Variants in PDE8A observed in about 807,000 individuals in gnomAD.
PDE8A encodes phosphodiesterase 8A.
In PDE8A, 59 loss-of-function variants were observed where a neutral mutation model predicts 105.0. The ratio of observed to expected loss-of-function variants is 0.56; its 90% CI spans 0.46 to 0.70. The LOEUF is 0.70. PDE8A is among the 30% of genes least tolerant of loss of function. The pLI, the probability that PDE8A is intolerant of heterozygous loss-of-function variation, is 0.00. For synonymous variants in PDE8A, 355 were observed against 371.9 expected (o/e 0.95, Z 0.52); for missense variants, 1,014 against 1,045.9 (o/e 0.97, Z 0.42).
chr15:85,024,926 CAAT>C, intron 1 of PDE8A, among the ~76,000 whole-genome samples: 1 of 152,242 alleles, frequency 6.6e-6, no homozygotes, highest in South Asian at 2.1e-4. Flanking sequence ...TTCAGAAACT[CAAT>C]GATCTGTGTG....
rs1337862347 is a variant in PDE8A at position 84,982,122 on chromosome 15, TCGCGGCTACCCGCCAGCGTGTC to T, written c.-34_-13del. 2.2e-5 allele frequency: 27 copies of T among 1,240,708 alleles called. No homozygotes were observed. The highest frequency in any genetic ancestry group is 1.2e-4 in the South Asian group (4 of 34,512). 76.9% of individuals were successfully genotyped at this position (1,240,708 alleles called of 1,614,324 possible). ...CCGGGTGGGCCGTTTGCTGACCGGA[TCGCGGCTACCCGCCAGCGTGTC>T]CGCGGCGCCGCCGCCAGCATGGGCT... On this transcript the variant is annotated 5_prime_UTR_variant, in exon 1 of 22. Coordinates refer to ENST00000394553, the MANE Select transcript of PDE8A (RefSeq NM_002605.3).
At position 85,137,978 on chromosome 15, in the gene PDE8A, T is replaced by C; in HGVS notation, c.*75T>C. 5 of 927,598 alleles carry C rather than the reference T, an allele frequency of 5.4e-6. No individual in the cohort carries two copies. Among genetic ancestry groups the C allele is most frequent in the Non-Finnish European group, 8.7e-6 (5 of 572,672 alleles). The allele number at this position is 927,598 out of a possible 1,614,324, so 57.5% of individuals were successfully genotyped here. A position where few individuals can be genotyped will look rare whatever the true frequency, so the allele number is the denominator to read the frequency against. ...AATTCCTGAGGGCAGCCAGAGCTCC[T>C]TGGTCCTTTCAGTACTAGGCAGAAC... On this transcript the variant is annotated 3_prime_UTR_variant, in exon 22 of 22. Transcript: ENST00000394553.
intron 7 of PDE8A, 134 bp downstream of exon 7, chr15:85,089,550 T>C (rs780962965): frequency 3.7e-6 from 2 of 547,142 alleles, no homozygotes; most frequent in Non-Finnish European, 6.5e-6. Context: ...TCGAGGATTA[T>C]CAGAACAAAA....
chr15:85,117,832 G>A lies in PDE8A; in HGVS notation c.1727G>A (p.Arg576Lys). The change falls in exon 17 of 22, where the codon AGG becomes AAG. Residue 576 changes from arginine (R) to lysine (K), a missense_variant. Coordinates refer to ENST00000394553, the MANE Select transcript of PDE8A (RefSeq NM_002605.3). ...ACTGCCTATTTTCTCTCCAAGGAGAGGATAAAGGTGAGCTGTTGTTTACCT... is the reference window on the plus strand; with the variant it reads ...ACTGCCTATTTTCTCTCCAAGGAGAAGATAAAGGTGAGCTGTTGTTTACCT... Reference protein sequence around the residue: ...HATAYFLSKERIKETLDPIDE... With the variant: ...HATAYFLSKEKIKETLDPIDE... The A allele has an allele frequency of 6.2e-7, 1 of 1,612,910 alleles. No individual in the cohort carries two copies. The highest frequency in any genetic ancestry group is 8.5e-7 in the Non-Finnish European group (1 of 1,179,058).
In PDE8A at chr15:85,089,411, A is replaced by G. The variant is rs1596506473; in HGVS notation, c.709A>G (p.Ile237Val). The change falls in exon 7 of 22, where the codon ATA becomes GTA. Residue 237 changes from isoleucine to valine, a missense_variant. Transcript: ENST00000394553. ...AIEITSEDRF[I>V]QYANPAFETT... is the part of the protein sequence containing the mutation. Reference sequence around the variant, plus strand: ...TGAAATTACAAGCGAAGACCGTTTTATACAGGTTTGTTATTTTGGAAATCT... The same window carrying G: ...TGAAATTACAAGCGAAGACCGTTTTGTACAGGTTTGTTATTTTGGAAATCT... The G allele has an allele frequency of 1.3e-6, 2 of 1,562,088 alleles. No individual in the cohort carries two copies. The highest frequency in any genetic ancestry group is 1.8e-6 in the Non-Finnish European group (2 of 1,137,448).
chr15:85,092,920 C>CTTTTTTT (rs5814181), intron 8 of PDE8A, among the ~76,000 whole-genome samples: 3 of 132,052 alleles, frequency 2.3e-5, no homozygotes, highest in Non-Finnish European at 1.6e-5. Flanking sequence ...TACTGCTTTC[C>CTTTTTTT]TTTTTTTTTT....
At chr15:85,007,804 G>A (rs548101642) in intron 1 of PDE8A, among the ~76,000 whole-genome samples, 2 of 152,094 alleles carry the variant, frequency 1.3e-5, no homozygotes, top group Non-Finnish European at 2.9e-5. Context: ...TTATAAATGC[G>A]AATATGTATG....
At chr15:85,081,933 A>G (rs1293762503) in intron 5 of PDE8A, among the ~76,000 whole-genome samples, 1 of 152,056 alleles carries the variant, frequency 6.6e-6, no homozygotes, top group African/African-American at 2.4e-5. Context: ...ATGGATAAAT[A>G]CACATTCCCT....
intron 1 of PDE8A, among the ~76,000 whole-genome samples, chr15:85,011,929 C>CA (rs1421635980): frequency 6.6e-6 from 1 of 152,074 alleles, no homozygotes; most frequent in Non-Finnish European, 1.5e-5. Context: ...TTTATGCAGC[C>CA]AAAAAACACA....
intron 1 of PDE8A, among the ~76,000 whole-genome samples, chr15:85,009,937 G>A (rs1451330580): frequency 6.6e-6 from 1 of 152,166 alleles, no homozygotes; most frequent in Non-Finnish European, 1.5e-5. Context: ...ACACTTTATA[G>A]CAATGGAAAT....
chr15:85,048,765 T>C (rs56248785), intron 1 of PDE8A, among the ~76,000 whole-genome samples: 22 of 152,150 alleles, frequency 1.4e-4, no homozygotes, highest in Admixed American at 1.4e-3. Flanking sequence ...AGTATGATGA[T>C]TATACAGACC....
chr15:85,128,578 A>G (rs1032654687), intron 20 of PDE8A, among the ~76,000 whole-genome samples: 11 of 152,266 alleles, frequency 7.2e-5, no homozygotes, highest in Non-Finnish European at 1.5e-4. Context: ...TGCTCATTCA[A>G]AACACAGCTA....
intron 11 of PDE8A, among the ~76,000 whole-genome samples, chr15:85,107,990 A>T (rs1370379897): frequency 6.6e-6 from 1 of 152,146 alleles, no homozygotes; most frequent in Non-Finnish European, 1.5e-5. Flanking sequence ...GAAAACCAGG[A>T]GAGTGTGGAC....
At chr15:85,100,129 C>T in intron 10 of PDE8A, 27 bp from the exon 11 acceptor site, 2 of 1,613,674 alleles carry the variant, frequency 1.2e-6, no homozygotes, top group Non-Finnish European at 8.5e-7. Flanking sequence ...GCAATCAGAA[C>T]TAATGGCTTT....
rs62019510 is a variant in PDE8A at position 85,113,889 on chromosome 15, A to G, written c.1202A>G (p.Asn401Ser). 0.03 allele frequency: 47,977 copies of G among 1,611,760 alleles called. 869 individuals carry two copies. The highest frequency in any genetic ancestry group is 0.035 in the Non-Finnish European group (40,955 of 1,178,354). ...ATAATGTAGGTAATCAATATTATCA[A>G]TGCTGCCCAGGAAAGTAGTCCCATG... ...APITKVINII[N>S]AAQESSPMPV... Residue 401 changes from asparagine (N) to serine (S), a missense_variant, in exon 14 of 22, where the codon AAT becomes AGT. By Grantham distance (46) the Asn-to-Ser change is conservative. Transcript: ENST00000394553.
intron 6 of PDE8A, among the ~76,000 whole-genome samples, chr15:85,084,446 A>G (rs1417366540): frequency 6.6e-6 from 1 of 152,228 alleles, no homozygotes; most frequent in Non-Finnish European, 1.5e-5. Flanking sequence ...CTGGTGTGGT[A>G]TACAAAAGAG....
chr15:84,988,771 G>C (rs956283726), intron 1 of PDE8A, among the ~76,000 whole-genome samples: 3 of 152,180 alleles, frequency 2.0e-5, no homozygotes, highest in Non-Finnish European at 2.9e-5. Context: ...TCCTGTATCC[G>C]TGTGAGCCTA....
intron 12 of PDE8A, among the ~76,000 whole-genome samples, chr15:85,111,425 CT>C (rs2082019182): frequency 6.6e-6 from 1 of 152,160 alleles, no homozygotes; most frequent in Admixed American, 6.6e-5. Flanking sequence ...ATGACTGCCC[CT>C]GACCCTAGGG....
At chr15:85,009,676 G>A (rs539490541) in intron 1 of PDE8A, among the ~76,000 whole-genome samples, 1 of 152,292 alleles carries the variant, frequency 6.6e-6, no homozygotes, top group East Asian at 1.9e-4. Flanking sequence ...AATGTCACAT[G>A]CTGTTAGCAG....
Sources: allele counts gnomAD v4.1 joint callset (sites outside exome capture counted in the v4.1 genomes callset), GRCh38; gene constraint gnomAD v4.1.1; transcripts MANE v1.5; gene names NCBI Gene and HGNC (gene_info 2026-07-23, HGNC 2026-07-21).